Variants in SLC2A13 observed in about 807,000 individuals in gnomAD.
SLC2A13 encodes proton myo-inositol cotransporter.
SLC2A13 carries 32 observed loss-of-function variants against 64.4 expected under a neutral mutation model. That is an observed-to-expected ratio of 0.50 (90% confidence interval 0.37 to 0.67). The LOEUF is 0.67. Ranked by LOEUF, SLC2A13 falls within the 30% of genes least tolerant of loss-of-function variation. The probability of loss-of-function intolerance (pLI) is 0.00; values close to 1 mark genes in which losing one functional copy is unlikely to be tolerated. For missense variants in SLC2A13, 743 were observed against 829.2 expected, an observed-to-expected ratio of 0.90 and a Z score of 1.28; for synonymous variants, 338 against 327.1, an observed-to-expected ratio of 1.03 and a Z score of -0.36.
At chr12:40,047,770 T>C (rs555754140) in intron 2 of SLC2A13, among the ~76,000 whole-genome samples, 2 of 152,338 alleles carry the variant, frequency 1.3e-5, no homozygotes, top group South Asian at 4.1e-4. Flanking sequence ...CTGCATTCAT[T>C]TTTAAACAAA....
intron 7 of SLC2A13, among the ~76,000 whole-genome samples, chr12:39,824,453 C>T (rs933021451): frequency 1.3e-5 from 2 of 152,224 alleles, no homozygotes; most frequent in Admixed American, 6.5e-5. Flanking sequence ...AGACTATTCT[C>T]AGAGCTTGGG....
intron 1 of SLC2A13, among the ~76,000 whole-genome samples, chr12:40,079,447 T>C (rs1938307623): frequency 6.6e-6 from 1 of 152,196 alleles, no homozygotes; most frequent in Admixed American, 6.5e-5. Context: ...GATTTCTATT[T>C]TTATTGCACT....
chr12:40,009,635 G>T (rs1322542473), intron 3 of SLC2A13, among the ~76,000 whole-genome samples: 1 of 152,140 alleles, frequency 6.6e-6, no homozygotes, highest in Non-Finnish European at 1.5e-5. Context: ...GTCTCACTAT[G>T]TTGCCCAGGC....
At chr12:40,046,744 T>C (rs1948177462) in intron 2 of SLC2A13, among the ~76,000 whole-genome samples, 1 of 150,816 alleles carries the variant, frequency 6.6e-6, no homozygotes. Flanking sequence ...CTTACAAATG[T>C]AGGCCCTCAT....
At chr12:40,094,967 C>A (rs541921532) in intron 1 of SLC2A13, among the ~76,000 whole-genome samples, 1 of 152,268 alleles carries the variant, frequency 6.6e-6, no homozygotes, top group African/African-American at 2.4e-5. Flanking sequence ...GCTGAGGAAA[C>A]CCAAAAGAGA....
chr12:39,896,292 G>GTGTGTATATATGTATACATGTATGTATA (rs1944861874), intron 4 of SLC2A13, among the ~76,000 whole-genome samples: 1 of 36,796 alleles, frequency 2.7e-5, no homozygotes, highest in African/African-American at 8.7e-5. Flanking sequence ...GTATGTATAT[G>GTGTGTATATATGTATACATGTATGTATA]TGTGTATATA....
At chr12:39,775,124 T>A (rs1017788919) in intron 7 of SLC2A13, among the ~76,000 whole-genome samples, 3 of 152,208 alleles carry the variant, frequency 2.0e-5, no homozygotes, top group Admixed American at 6.5e-5. Flanking sequence ...CTTTCATTTA[T>A]CACAAGATTA....
chr12:40,090,077 C>CTTCAAA (rs1275668879), intron 1 of SLC2A13, among the ~76,000 whole-genome samples: 1 of 151,976 alleles, frequency 6.6e-6, no homozygotes, highest in Non-Finnish European at 1.5e-5. Flanking sequence ...AGAAAATGTT[C>CTTCAAA]TTCAAATATA....
chr12:40,012,171 CT>C (rs1368169748), intron 3 of SLC2A13, among the ~76,000 whole-genome samples: 1 of 152,190 alleles, frequency 6.6e-6, no homozygotes, highest in Admixed American at 6.5e-5. Flanking sequence ...CTCATCTCAA[CT>C]TTTTGAAATC....
At chr12:39,773,968 T>G (rs919255584) in intron 7 of SLC2A13, among the ~76,000 whole-genome samples, 2 of 152,210 alleles carry the variant, frequency 1.3e-5, no homozygotes, top group Non-Finnish European at 2.9e-5. Flanking sequence ...AAGCACGATT[T>G]TATTTCCAGT....
intron 3 of SLC2A13, among the ~76,000 whole-genome samples, chr12:39,973,871 C>T (rs1946715358): frequency 6.6e-6 from 1 of 152,182 alleles, no homozygotes; most frequent in African/African-American, 2.4e-5. Context: ...CAGAGTGGTC[C>T]ATAATTTGTA....
At chr12:39,920,346 A>G (rs1224196108) in intron 4 of SLC2A13, among the ~76,000 whole-genome samples, 1 of 152,100 alleles carries the variant, frequency 6.6e-6, no homozygotes, top group Non-Finnish European at 1.5e-5. Context: ...TAGATGCCCA[A>G]CCAAATGCTG....
At chr12:39,891,959 T>C (rs1242139113) in intron 4 of SLC2A13, among the ~76,000 whole-genome samples, 6 of 152,138 alleles carry the variant, frequency 3.9e-5, no homozygotes, top group Admixed American at 3.3e-4. Flanking sequence ...TTTTGGGAAA[T>C]ATGGTTATCT....
At chr12:40,013,444 T>C (rs1301098373) in intron 3 of SLC2A13, among the ~76,000 whole-genome samples, 2 of 152,350 alleles carry the variant, frequency 1.3e-5, no homozygotes, top group East Asian at 3.9e-4. Context: ...ACTATCTCCA[T>C]GCTACAGAAG....
intron 3 of SLC2A13, among the ~76,000 whole-genome samples, chr12:39,979,543 C>A (rs1347652821): frequency 6.7e-6 from 1 of 148,892 alleles, no homozygotes; most frequent in African/African-American, 2.5e-5. Flanking sequence ...CCTCAGGAGC[C>A]GATGCGATCA....
At chr12:40,081,714 C>A (rs1319423421) in intron 1 of SLC2A13, among the ~76,000 whole-genome samples, 1 of 152,158 alleles carries the variant, frequency 6.6e-6, no homozygotes, top group Non-Finnish European at 1.5e-5. Flanking sequence ...TCCTTGCTGT[C>A]GAGCTCATGT....
At chr12:39,945,471 T>C (rs953657460) in intron 4 of SLC2A13, among the ~76,000 whole-genome samples, 4 of 152,164 alleles carry the variant, frequency 2.6e-5, no homozygotes, top group African/African-American at 9.6e-5. Context: ...TAGAATTCTC[T>C]TCTCAGCTAT....
chr12:39,930,028 G>T (rs1020821837), intron 4 of SLC2A13, among the ~76,000 whole-genome samples: 2 of 152,034 alleles, frequency 1.3e-5, no homozygotes, highest in Admixed American at 1.3e-4. Flanking sequence ...GTACTCAGGA[G>T]GCTGAGGCAG....
chr12:39,795,335 A>C (rs1018376343), intron 7 of SLC2A13, among the ~76,000 whole-genome samples: 1 of 152,084 alleles, frequency 6.6e-6, no homozygotes, highest in Non-Finnish European at 1.5e-5. Flanking sequence ...TTTAAACTTA[A>C]TTTATCATAT....
Sources: gnomAD v4.1 joint callset for allele counts (sites outside exome capture counted in the v4.1 genomes callset) on GRCh38, gnomAD v4.1.1 for gene constraint, MANE v1.5 for transcripts, NCBI Gene and HGNC (gene_info 2026-07-23, HGNC 2026-07-21) for gene names.